The following FHOD3 variants were observed in gnomAD, a reference collection of about 807,000 sequenced individuals.
The protein encoded by FHOD3 is FH1/FH2 domain-containing protein 3.
A neutral mutation model predicts 173.0 loss-of-function variants in FHOD3; 90 were observed. The observed-to-expected ratio is 0.52, with a 90% CI of 0.44 to 0.62. FHOD3 has a LOEUF of 0.62. Ranked by LOEUF, FHOD3 falls within the 20% of genes least tolerant of loss-of-function variation. The pLI is 0.00. For missense variants in FHOD3, 1,945 were observed against 2,034.7 expected (o/e 0.96, Z 0.85); for synonymous variants, 828 against 823.0 (o/e 1.01, Z -0.10).
intron 26 of FHOD3, 48 bp downstream of exon 26, chr18:36,759,189 G>GTA: frequency 6.6e-7 from 1 of 1,511,242 alleles, no homozygotes; most frequent in Non-Finnish European, 8.9e-7. Flanking sequence ...ACCACCTCAT[G>GTA]TATGCTCTGG....
chr18:36,550,212 G>A (rs1368955117), intron 5 of FHOD3, among the ~76,000 whole-genome samples: 8 of 129,048 alleles, frequency 6.2e-5, no homozygotes, highest in African/African-American at 1.4e-4. Flanking sequence ...TATCACTTGT[G>A]TATATATATA....
chr18:36,731,816 G>A (rs566409238), intron 20 of FHOD3, among the ~76,000 whole-genome samples: 27 of 152,326 alleles, frequency 1.8e-4, no homozygotes, highest in Admixed American at 7.8e-4. Flanking sequence ...ACGTAGAGGG[G>A]TCTGCACCCA....
intron 20 of FHOD3, among the ~76,000 whole-genome samples, chr18:36,740,355 T>A (rs957849649): frequency 6.6e-6 from 1 of 152,194 alleles, no homozygotes. Context: ...ACAAAGCATA[T>A]CTTTTTTACA....
chr18:36,438,370 T>G (rs185925716), intron 3 of FHOD3, among the ~76,000 whole-genome samples: 3 of 152,218 alleles, frequency 2.0e-5, no homozygotes, highest in African/African-American at 4.8e-5. Flanking sequence ...CCCCTTCTCT[T>G]GGGCACTGGA....
At chr18:36,619,169 A>G (rs555652504) in intron 9 of FHOD3, among the ~76,000 whole-genome samples, 2 of 152,270 alleles carry the variant, frequency 1.3e-5, no homozygotes, top group South Asian at 4.1e-4. Context: ...GGCTGTAAAT[A>G]CAGAGATAAA....
chr18:36,616,240 A>G (rs541970942), intron 9 of FHOD3, among the ~76,000 whole-genome samples: 6 of 152,252 alleles, frequency 3.9e-5, no homozygotes, highest in Admixed American at 6.5e-5. Flanking sequence ...CACGATCGGA[A>G]CTCCTTCCAT....
intron 5 of FHOD3, among the ~76,000 whole-genome samples, chr18:36,566,867 GAAA>G (rs538374965): frequency 6.7e-6 from 1 of 149,166 alleles, no homozygotes; most frequent in Admixed American, 6.7e-5. Context: ...AGACCTACAG[GAAA>G]AAAAAAATTA....
intron 3 of FHOD3, among the ~76,000 whole-genome samples, chr18:36,407,478 C>T (rs186950093): frequency 1.3e-5 from 2 of 152,268 alleles, no homozygotes; most frequent in East Asian, 3.9e-4. Context: ...CCCTCACACT[C>T]ACGATTTCAG....
At chr18:36,476,234 G>C (rs1382404122) in intron 3 of FHOD3, among the ~76,000 whole-genome samples, 1 of 152,212 alleles carries the variant, frequency 6.6e-6, no homozygotes, top group African/African-American at 2.4e-5. Flanking sequence ...GACAGCTCCT[G>C]TTCCGCTGGG....
chr18:36,715,522 G>A (rs2040401367), intron 18 of FHOD3, among the ~76,000 whole-genome samples: 3 of 152,142 alleles, frequency 2.0e-5, no homozygotes, highest in Admixed American at 2.0e-4. Flanking sequence ...CAAACCCAGA[G>A]GAGTAACATT....
intron 1 of FHOD3, among the ~76,000 whole-genome samples, chr18:36,322,079 C>G (rs2044426635): frequency 6.6e-6 from 1 of 152,112 alleles, no homozygotes; most frequent in African/African-American, 2.4e-5. Context: ...CCTCTCACCA[C>G]CCTCTCTGGC....
chr18:36,431,035 A>C (rs1708693), intron 3 of FHOD3, among the ~76,000 whole-genome samples: 121,105 of 152,080 alleles, frequency 0.8, 48,378 homozygotes, highest in African/African-American at 0.84. Flanking sequence ...GGTAGAAATA[A>C]TTGATATGTT....
At chr18:36,434,924 C>T (rs2050736627) in intron 3 of FHOD3, among the ~76,000 whole-genome samples, 1 of 151,860 alleles carries the variant, frequency 6.6e-6, no homozygotes, top group Non-Finnish European at 1.5e-5. Context: ...TTTCTAGTAG[C>T]TTTACTAAAT....
intron 24 of FHOD3, among the ~76,000 whole-genome samples, chr18:36,753,038 G>C (rs1166905217): frequency 6.6e-6 from 1 of 152,312 alleles, no homozygotes; most frequent in Non-Finnish European, 1.5e-5. Flanking sequence ...ACCTGACACA[G>C]GGTGGTCATG....
chr18:36,609,077 G>A (rs2032389326), intron 8 of FHOD3, among the ~76,000 whole-genome samples: 1 of 152,244 alleles, frequency 6.6e-6, no homozygotes, highest in South Asian at 2.1e-4. Flanking sequence ...CCCCCTCTGA[G>A]AGAGATTTGT....
At chr18:36,601,300 T>C (rs1216811063) in intron 7 of FHOD3, among the ~76,000 whole-genome samples, 2 of 152,244 alleles carry the variant, frequency 1.3e-5, no homozygotes, top group Non-Finnish European at 2.9e-5. Flanking sequence ...GATCTCCATA[T>C]TGAGCTACAT....
chr18:36,681,782 C>T (rs2038258813), intron 15 of FHOD3, among the ~76,000 whole-genome samples: 1 of 152,090 alleles, frequency 6.6e-6, no homozygotes, highest in Admixed American at 6.5e-5. Context: ...CACAGTCAGC[C>T]AAATACAATT....
At chr18:36,563,363 C>G (rs575194284) in intron 5 of FHOD3, among the ~76,000 whole-genome samples, 4 of 152,328 alleles carry the variant, frequency 2.6e-5, no homozygotes, top group African/African-American at 9.6e-5. Context: ...CCAGACACTT[C>G]ATAATACACC....
chr18:36,653,947 G>C (rs1377382074), intron 13 of FHOD3, among the ~76,000 whole-genome samples: 1 of 152,202 alleles, frequency 6.6e-6, no homozygotes, highest in African/African-American at 2.4e-5. Flanking sequence ...GGCACAGAAA[G>C]GCTAAGTACC....
Sources: gnomAD v4.1 joint callset for allele counts (sites outside exome capture counted in the v4.1 genomes callset) on GRCh38, gnomAD v4.1.1 for gene constraint, MANE v1.5 for transcripts, NCBI Gene and HGNC (gene_info 2026-07-23, HGNC 2026-07-21) for gene names.